The following ANKRD30A variants were observed in gnomAD, a reference collection of about 807,000 sequenced individuals.
ANKRD30A encodes ankyrin repeat domain-containing protein 30A.
A neutral mutation model predicts 166.3 loss-of-function variants in ANKRD30A; 170 were observed. The ratio of observed to expected loss-of-function variants is 1.02; its 90% CI spans 0.90 to 1.16. The LOEUF (loss-of-function observed/expected upper bound fraction) is 1.16, where lower values mean the gene tolerates loss of function less well. ANKRD30A is among the 50% of genes most tolerant of loss of function. The pLI is 0.00. For missense variants in ANKRD30A, 1,630 were observed against 1,518.0 expected, an observed-to-expected ratio of 1.07 and a Z score of -1.23; for synonymous variants, 564 against 508.9, an observed-to-expected ratio of 1.11 and a Z score of -1.46.
intron 27 of ANKRD30A, among the ~76,000 whole-genome samples, chr10:37,195,704 C>T (rs1362974661): frequency 1.3e-5 from 2 of 152,172 alleles, no homozygotes; most frequent in Non-Finnish European, 2.9e-5. Context: ...ACCATCCTGA[C>T]TAACACAGTG....
At chr10:37,126,195 A>C (rs1196384736) in intron 1 of ANKRD30A, among the ~76,000 whole-genome samples, 187 bp downstream of exon 1, 1 of 152,144 alleles carries the variant, frequency 6.6e-6, no homozygotes, top group Non-Finnish European at 1.5e-5. Context: ...CAGGCTTGGG[A>C]TGCGGGGTCC....
At chr10:37,183,184 A>T (rs1431091117) in intron 24 of ANKRD30A, among the ~76,000 whole-genome samples, 13 of 149,242 alleles carry the variant, frequency 8.7e-5, no homozygotes, top group Non-Finnish European at 1.9e-4. Context: ...AAAATACACG[A>T]ATTGGAAAAG....
chr10:37,153,258 A>G lies in ANKRD30A; in HGVS notation c.1708-314A>G, dbSNP rs1448847540. On this transcript the variant is annotated intron_variant, in intron 12 of 35. Transcript: ENST00000361713. ...ATTTATTTTTGATGAGGACTAGAAC[A>G]TAAGTTAGATATTTTTAAGAGAGAT... Among the ~76,000 whole-genome samples the G allele has an allele frequency of 2.6e-5, 4 of 152,330 alleles. No individual in the cohort carries two copies. In the East Asian group the frequency reaches 7.7e-4, roughly 29 times the overall value.
rs577761237 is a variant in ANKRD30A, at chr10:37,165,150, A to T, written c.2059A>T (p.Thr687Ser). 48 of 1,606,726 alleles carry T rather than the reference A, an allele frequency of 3.0e-5. No individual in the cohort carries two copies. The African/African-American group carries it at 5.1e-4, about 17-fold the overall frequency. The change falls in exon 18 of 36, where the codon ACT becomes TCT. Residue 687 changes from threonine (T) to serine (S), a missense_variant. By Grantham distance (58) the Thr-to-Ser change is moderately conservative (BLOSUM62 1). Coordinates refer to ENST00000361713, the MANE Select transcript of ANKRD30A (RefSeq NM_052997.3). The part of the protein sequence containing the change: ...QKDYEENSWD[T>S]ESLCETVSQK... Reference sequence around the variant, plus strand: ...GGACTATGAAGAAAATTCTTGGGATACTGAGGTACTGTGTGTTGTTGATTT... The same window carrying T: ...GGACTATGAAGAAAATTCTTGGGATTCTGAGGTACTGTGTGTTGTTGATTT...
chr10:37,144,034 G>A (rs1837339537), intron 7 of ANKRD30A, among the ~76,000 whole-genome samples: 1 of 151,386 alleles, frequency 6.6e-6, no homozygotes, highest in African/African-American at 2.4e-5. Flanking sequence ...TAAATACGTA[G>A]GTCTTTCTTT....
intron 24 of ANKRD30A, among the ~76,000 whole-genome samples, chr10:37,184,029 T>C (rs1243584947): frequency 6.6e-6 from 1 of 151,724 alleles, no homozygotes; most frequent in Admixed American, 6.6e-5. Flanking sequence ...GCATTTCTAA[T>C]AATTTCTCAG....
chr10:37,161,640 CGGAAGCAGGAGTCCTACT>C (rs1379485632), intron 15 of ANKRD30A, among the ~76,000 whole-genome samples: 2 of 151,812 alleles, frequency 1.3e-5, no homozygotes, highest in South Asian at 2.1e-4. Flanking sequence ...CAGAGACTAC[CGGAAGCAGGAGTCCTACT>C]AGAATTGGGG....
At chr10:37,238,729 AC>A in the ANKRD30A span, among the ~76,000 whole-genome samples, 7 of 152,172 alleles carry the variant, frequency 4.6e-5, no homozygotes, top group Non-Finnish European at 8.8e-5. Flanking sequence ...TAATAGCATT[AC>A]CTTAGTAGTT....
At chr10:37,256,066 C>A in the ANKRD30A span, among the ~76,000 whole-genome samples, 1 of 152,110 alleles carries the variant, frequency 6.6e-6, no homozygotes, top group Non-Finnish European at 1.5e-5. Context: ...GCTCATCAAG[C>A]GCTGTCTGTA....
At chr10:37,211,984 C>CAACCACTATGGT (rs1202170348) in intron 31 of ANKRD30A, among the ~76,000 whole-genome samples, 3 of 151,866 alleles carry the variant, frequency 2.0e-5, no homozygotes, top group African/African-American at 7.3e-5. Context: ...TGGTTCACCA[C>CAACCACTATGGT]TCCTATTCAA....
At chr10:37,153,079 G>C (rs1452554836) in intron 12 of ANKRD30A, among the ~76,000 whole-genome samples, 1 of 151,904 alleles carries the variant, frequency 6.6e-6, no homozygotes, top group East Asian at 1.9e-4. Context: ...TTCATATTCT[G>C]TGCATACATT....
intron 27 of ANKRD30A, among the ~76,000 whole-genome samples, chr10:37,196,466 A>T (rs868396057): frequency 2.0e-5 from 3 of 152,190 alleles, no homozygotes; most frequent in Admixed American, 1.3e-4. Flanking sequence ...ATAAAAATTT[A>T]TTATAGACTA....
At chr10:37,204,317 A>T (rs1218271799) in intron 31 of ANKRD30A, among the ~76,000 whole-genome samples, 1 of 151,420 alleles carries the variant, frequency 6.6e-6, no homozygotes, top group African/African-American at 2.4e-5. Flanking sequence ...AGAACCACAC[A>T]TCTACAACCA....
Position 37,201,276 on chromosome 10 carries a change from C to G in ANKRD30A, c.2820C>G (p.Pro940=). ...TTTCACAGAAGGATGTGTGTGTACC[C>G]AAGGCTACACATCAAAAAGAAATGG... is the stretch of plus-strand genomic sequence containing the variant. ...ETVSQKDVCV[P]KATHQKEMDK... Residue 940 remains proline, a synonymous_variant, in exon 31 of 36, where the codon CCC becomes CCG. Coordinates refer to ENST00000361713, the MANE Select transcript of ANKRD30A (RefSeq NM_052997.3). 6.3e-7 allele frequency: 1 copy of G among 1,593,116 alleles called. No homozygotes were observed. The highest frequency in any genetic ancestry group is 8.5e-7 in the Non-Finnish European group (1 of 1,171,302).
At chr10:37,170,957 GC>G (rs1290161582) in intron 21 of ANKRD30A, among the ~76,000 whole-genome samples, 2 of 61,432 alleles carry the variant, frequency 3.3e-5, no homozygotes, top group African/African-American at 1.7e-4. Flanking sequence ...CTGCCACCAC[GC>G]CCGGCTAATG....
chr10:37,165,809 A>C (rs952624235), intron 18 of ANKRD30A, among the ~76,000 whole-genome samples: 1 of 152,120 alleles, frequency 6.6e-6, no homozygotes, highest in African/African-American at 2.4e-5. Context: ...GTCAAATCAT[A>C]GTGATGTATT....
intron 2 of ANKRD30A, 68 bp downstream of exon 2, chr10:37,130,075 T>G: frequency 1.6e-6 from 2 of 1,245,160 alleles, no homozygotes; most frequent in African/African-American, 3.1e-5. Flanking sequence ...AAAATGAATT[T>G]ATCTCATTGA....
At chr10:37,151,947 G>A (rs1305569034) in intron 11 of ANKRD30A, 113 bp from the exon 12 acceptor site, 3 of 873,314 alleles carry the variant, frequency 3.4e-6, no homozygotes, top group Non-Finnish European at 5.2e-6. Context: ...AAGAATATAC[G>A]GGCCACAGAG....
the ANKRD30A span, among the ~76,000 whole-genome samples, chr10:37,243,180 G>C: frequency 9.3e-5 from 14 of 150,044 alleles, no homozygotes; most frequent in African/African-American, 3.4e-4. Context: ...TGTCGCCCAG[G>C]CTGGAGTGCA....
Sources: gnomAD v4.1 joint callset for allele counts (sites outside exome capture counted in the v4.1 genomes callset) on GRCh38, gnomAD v4.1.1 for gene constraint, MANE v1.5 for transcripts, NCBI Gene and HGNC (gene_info 2026-07-23, HGNC 2026-07-21) for gene names.